SVEP1: variants seen among roughly 807,000 people sequenced by gnomAD.
The protein encoded by SVEP1 is sushi, von Willebrand factor type A, EGF and pentraxin domain containing 1.
SVEP1 carries 164 observed loss-of-function variants against 367.3 expected under a neutral mutation model. The ratio of observed to expected loss-of-function variants is 0.45; its 90% CI spans 0.39 to 0.51. The LOEUF (loss-of-function observed/expected upper bound fraction) is 0.51, where lower values mean the gene tolerates loss of function less well. SVEP1 is among the 20% of genes least tolerant of loss of function. The pLI is 0.00. For synonymous variants in SVEP1, 1,666 were observed against 1,611.6 expected, an observed-to-expected ratio of 1.03 and a Z score of -0.81; for missense variants, 4,117 against 4,425.3, an observed-to-expected ratio of 0.93 and a Z score of 1.98.
At chr9:110,392,042 C>A (rs1030834788) in intron 40 of SVEP1, among the ~76,000 whole-genome samples, 1 of 151,434 alleles carries the variant, frequency 6.6e-6, no homozygotes, top group African/African-American at 2.4e-5. Flanking sequence ...TGGACTTGGA[C>A]TGAATTACAC....
At chr9:110,368,310 A>AACTAGTTAGAGTTTT (rs1827228711) in intron 47 of SVEP1, among the ~76,000 whole-genome samples, 1 of 152,150 alleles carries the variant, frequency 6.6e-6, no homozygotes, top group African/African-American at 2.4e-5. Flanking sequence ...TCTTTGCTTA[A>AACTAGTTAGAGTTTT]ACTAGTTAGA....
intron 17 of SVEP1, 25 bp downstream of exon 17, chr9:110,468,915 G>A (rs1289118701): frequency 6.6e-7 from 1 of 1,513,702 alleles, no homozygotes; most frequent in African/African-American, 1.4e-5. Context: ...GCTGCTTCTA[G>A]TTGAAATGTC....
intron 3 of SVEP1, among the ~76,000 whole-genome samples, chr9:110,528,942 C>G (rs1829980493): frequency 6.6e-6 from 1 of 151,788 alleles, no homozygotes. Context: ...GTCACAAATT[C>G]TTTGCCTAGG....
At chr9:110,451,444 A>G (rs1313849368) in intron 22 of SVEP1, 42 bp from the exon 23 acceptor site, 1 of 1,478,114 alleles carries the variant, frequency 6.8e-7, no homozygotes, top group Admixed American at 1.8e-5. Flanking sequence ...AAAACTTGAC[A>G]GAACTTTAAG....
chr9:110,366,377 A>G lies in SVEP1; in HGVS notation c.*162T>C. The G allele has an allele frequency of 1.8e-6, 1 of 561,370 alleles. No homozygotes were observed. Among genetic ancestry groups the G allele is most frequent in the East Asian group, 3.2e-5 (1 of 31,676 alleles). 34.8% of individuals were successfully genotyped at this position (561,370 alleles called of 1,614,324 possible). ...TGTAAGAAAGTATGTCACAAGGAAT[A>G]ACAAAATATATCACAAAATAAAAAA... On this transcript the variant is annotated 3_prime_UTR_variant, in exon 48 of 48. Coordinates refer to ENST00000374469, the MANE Select transcript of SVEP1 (RefSeq NM_153366.4).
chr9:110,389,900 G>C (rs944978424), intron 40 of SVEP1, among the ~76,000 whole-genome samples: 1 of 131,010 alleles, frequency 7.6e-6, no homozygotes, highest in African/African-American at 2.5e-5. Context: ...TAGTCAAATA[G>C]TAGTATTCTT....
At chr9:110,474,604 G>A (rs1344114364) in intron 14 of SVEP1, among the ~76,000 whole-genome samples, 1 of 152,060 alleles carries the variant, frequency 6.6e-6, no homozygotes. Flanking sequence ...GTAACCTTGT[G>A]CCCCCAAAAC....
rs371119600 is a variant in SVEP1, at chr9:110,538,487, T to C, written c.964+7628A>G. ...CCTCTCTCTTTCCAAAGAAATGATA[T>C]AATATTTAGACAGGAAAGTGTGTAT... On this transcript the variant is annotated intron_variant, in intron 3 of 47. Coordinates refer to ENST00000374469, the MANE Select transcript of SVEP1 (RefSeq NM_153366.4). Among the ~76,000 whole-genome samples the C allele has an allele frequency of 1.1e-4, 17 of 152,210 alleles. No homozygotes were observed. In the South Asian group the frequency reaches 2.9e-3, roughly 26 times the overall value.
intron 1 of SVEP1, 96 bp downstream of exon 1, chr9:110,578,917 T>C: frequency 2.2e-6 from 3 of 1,382,008 alleles, no homozygotes; most frequent in Non-Finnish European, 2.9e-6. Context: ...GGTTATGCCT[T>C]GCCCAGGACT....
chr9:110,550,222 G>A, intron 1 of SVEP1, 118 bp from the exon 2 acceptor site: 1 of 1,332,056 alleles, frequency 7.5e-7, no homozygotes. Flanking sequence ...CATGAGGGAT[G>A]GAAGCCCTAG....
chr9:110,436,962 T>C (rs1164883828), intron 27 of SVEP1, among the ~76,000 whole-genome samples: 1 of 152,168 alleles, frequency 6.6e-6, no homozygotes, highest in Non-Finnish European at 1.5e-5. Context: ...AATTTCAGTA[T>C]TCATCTCTGT....
intron 18 of SVEP1, among the ~76,000 whole-genome samples, chr9:110,464,754 A>G (rs1828909463): frequency 6.6e-6 from 1 of 152,206 alleles, no homozygotes; most frequent in Non-Finnish European, 1.5e-5. Flanking sequence ...GAGGTAGGAT[A>G]CACAATTAAA....
intron 3 of SVEP1, among the ~76,000 whole-genome samples, chr9:110,526,948 C>A (rs1479730062): frequency 6.6e-6 from 1 of 151,980 alleles, no homozygotes. Context: ...CTGCATGGCT[C>A]CATTTATATA....
chr9:110,405,387 T>C (rs899327916), intron 38 of SVEP1, among the ~76,000 whole-genome samples: 6 of 151,770 alleles, frequency 4.0e-5, no homozygotes, highest in Non-Finnish European at 8.8e-5. Context: ...AATACCTACA[T>C]GGACTCAGAT....
At chr9:110,400,803 A>G (rs1827847412) in intron 40 of SVEP1, 51 bp downstream of exon 40, 5 of 1,547,948 alleles carry the variant, frequency 3.2e-6, no homozygotes, top group Non-Finnish European at 4.4e-6. Context: ...AAGTATCCCC[A>G]AGTATATTGG....
chr9:110,387,428 A>G lies in SVEP1; in HGVS notation c.9917T>C (p.Leu3306Pro). ...GTTTTCAATGTCAGCTTTCCCATTGAGAAATTCAAGTGGAGTTTCACACCT... is the reference window on the plus strand; with the variant it reads ...GTTTTCAATGTCAGCTTTCCCATTGGGAAATTCAAGTGGAGTTTCACACCT... ...ETRCETPLEF[L>P]NGKADIENRT... Residue 3306 changes from leucine to proline, a missense_variant, in exon 42 of 48, where the codon CTC becomes CCC. Transcript: ENST00000374469. 6.2e-7 allele frequency: 1 copy of G among 1,611,420 alleles called. No homozygotes were observed. Among genetic ancestry groups the G allele is most frequent in the Non-Finnish European group, 8.5e-7 (1 of 1,179,300 alleles).
intron 9 of SVEP1, among the ~76,000 whole-genome samples, chr9:110,483,906 G>GA (rs1829237614): frequency 6.6e-6 from 1 of 152,084 alleles, no homozygotes; most frequent in African/African-American, 2.4e-5. Flanking sequence ...ATCTGTTGAA[G>GA]AAAAAAATGC....
intron 3 of SVEP1, 157 bp from the exon 4 acceptor site, chr9:110,514,263 G>T: frequency 1.1e-6 from 1 of 939,898 alleles, no homozygotes. Context: ...TGTAATCCCT[G>T]TACTTTGGGA....
At chr9:110,429,454 T>C in intron 34 of SVEP1, 120 bp from the exon 35 acceptor site, 1 of 730,808 alleles carries the variant, frequency 1.4e-6, no homozygotes, top group South Asian at 3.2e-5. Context: ...TGATTTTTTT[T>C]CCTACTGAAA....
Sources: gnomAD v4.1 joint callset for allele counts (sites outside exome capture counted in the v4.1 genomes callset) on GRCh38, gnomAD v4.1.1 for gene constraint, MANE v1.5 for transcripts, NCBI Gene and HGNC (gene_info 2026-07-23, HGNC 2026-07-21) for gene names.